The following FAM228B variants were observed in gnomAD, a reference collection of about 807,000 sequenced individuals.
The protein encoded by FAM228B is family with sequence similarity 228 member B.
FAM228B carries 38 observed loss-of-function variants against 42.6 expected under a neutral mutation model. That is an observed-to-expected ratio of 0.89 (90% CI 0.69 to 1.17). FAM228B has a LOEUF of 1.17. FAM228B is among the 50% of genes most tolerant of loss of function. The pLI, the probability that FAM228B is intolerant of heterozygous loss-of-function variation, is 0.00. For synonymous variants in FAM228B, 109 were observed against 122.3 expected (o/e 0.89, Z 0.72); for missense variants, 344 against 367.3 (o/e 0.94, Z 0.52).
intron 7 of FAM228B, among the ~76,000 whole-genome samples, chr2:24,149,557 T>A (rs1408575434): frequency 6.6e-6 from 1 of 152,080 alleles, no homozygotes; most frequent in East Asian, 1.9e-4. Context: ...CTCAGCCTCC[T>A]GAGTAGCTGT....
intron 3 of FAM228B, among the ~76,000 whole-genome samples, chr2:24,115,046 C>G (rs1164087164): frequency 6.6e-6 from 1 of 152,174 alleles, no homozygotes; most frequent in African/African-American, 2.4e-5. Flanking sequence ...ATCCCTTCTC[C>G]CAAGTCTCAC....
intron 2 of FAM228B, chr2:24,082,984 C>A: frequency 6.2e-7 from 1 of 1,614,158 alleles, no homozygotes; most frequent in Non-Finnish European, 8.5e-7. Context: ...AGGAGCCCTT[C>A]GGGGACAGTG....
chr2:24,120,223 C>T (rs556795872), upstream of FAM228B, among the ~76,000 whole-genome samples: 52 of 151,748 alleles, frequency 3.4e-4, no homozygotes, highest in Non-Finnish European at 5.3e-4. Flanking sequence ...GAGCCGAGAT[C>T]GTGCCATTGC....
chr2:24,150,627 A>T lies in FAM228B; in HGVS notation c.686+3541A>T, dbSNP rs150407685. 2.5e-3 allele frequency among the ~76,000 whole-genome samples: 373 copies of T among 151,974 alleles called. 15 individuals carry two copies. The East Asian group carries it at 0.064, about 26-fold the overall frequency. ...TTTAATAGCGATGGGGTTTCTCCAC[A>T]TTGGCCAGGCTGGTCTTGAACTCCT... On this transcript the variant is annotated intron_variant, in intron 7 of 10. Transcript: ENST00000615575.
At position 24,095,215 on chromosome 2, in the gene FAM228B, G is replaced by T. The variant is rs760310137; in HGVS notation, c.-135G>T. The T allele has an allele frequency of 6.6e-6, 1 of 152,554 alleles. No homozygotes were observed. The highest frequency in any genetic ancestry group is 6.5e-5 in the Admixed American group (1 of 15,280). 9.5% of individuals were successfully genotyped at this position (152,554 alleles called of 1,614,324 possible). A position where few individuals can be genotyped will look rare whatever the true frequency, so the allele number is the denominator to read the frequency against. ...TCGACGCAGAAGACAGGTGATTTCT[G>T]CATTTCCGACTGAGGTAACTGATTC... On this transcript the variant is annotated 5_prime_UTR_variant, in exon 3 of 11. Transcript: ENST00000613899. The surrounding 1 kb of genome is among the most constrained non-coding windows in gnomAD (Gnocchi z 4.8).
Position 24,146,614 on chromosome 2 carries a change from C to T in FAM228B, c.442-134C>T. The T allele has an allele frequency of 8.8e-6, 5 of 565,670 alleles. 1 individual carries two copies. In the South Asian group the frequency reaches 1.4e-4, roughly 16 times the overall value. 35.0% of individuals were successfully genotyped at this position (565,670 alleles called of 1,614,324 possible). On this transcript the variant is annotated intron_variant, in intron 5 of 10. Coordinates refer to ENST00000615575, the MANE Select transcript of FAM228B (RefSeq NM_001145710.2). ...TATATTAAATAAATATAATGGTAAG[C>T]CTGCTATTTGTAAATACCATATTAT...
intron 7 of FAM228B, among the ~76,000 whole-genome samples, chr2:24,155,525 A>AT (rs1199134206): frequency 1.8e-3 from 89 of 48,290 alleles, no homozygotes; most frequent in African/African-American, 3.8e-3. Context: ...ATATATATAT[A>AT]TATATATTTT....
intron 7 of FAM228B, among the ~76,000 whole-genome samples, chr2:24,161,086 T>C (rs1667273646): frequency 6.6e-6 from 1 of 152,228 alleles, no homozygotes; most frequent in Non-Finnish European, 1.5e-5. Context: ...TGTTTTTGTC[T>C]CTATATTTAG....
chr2:24,123,944 C>G (rs1666223998), intron 1 of FAM228B, among the ~76,000 whole-genome samples: 2 of 152,206 alleles, frequency 1.3e-5, no homozygotes, highest in Non-Finnish European at 2.9e-5. Flanking sequence ...CCTGCCTTCT[C>G]TAAGCAGCTC....
chr2:24,150,309 T>C (rs1362287139), intron 7 of FAM228B, among the ~76,000 whole-genome samples: 5 of 152,192 alleles, frequency 3.3e-5, no homozygotes, highest in Non-Finnish European at 7.4e-5. Flanking sequence ...TCCCTCAGCT[T>C]TTGTTTGTCT....
intron 2 of FAM228B, among the ~76,000 whole-genome samples, chr2:24,089,276 T>A (rs747134260): frequency 3.9e-4 from 60 of 152,236 alleles, no homozygotes; most frequent in Admixed American, 7.2e-4. Flanking sequence ...TGAAATGTAT[T>A]GTGAGTTACA....
At chr2:24,101,804 T>G (rs914311264) in intron 3 of FAM228B, among the ~76,000 whole-genome samples, 2 of 152,186 alleles carry the variant, frequency 1.3e-5, no homozygotes, top group Admixed American at 1.3e-4. Flanking sequence ...CACCTCAGCC[T>G]CTTGAGTAGC....
chr2:24,155,504 C>CATATATATATATATAT (rs1156603467), intron 7 of FAM228B, among the ~76,000 whole-genome samples: 2 of 35,896 alleles, frequency 5.6e-5, no homozygotes, highest in African/African-American at 1.0e-4. Context: ...GAAGACCATG[C>CATATATATATATATAT]ATATATATAT....
At chr2:24,149,378 C>T (rs1023373466) in intron 7 of FAM228B, among the ~76,000 whole-genome samples, 1 of 152,210 alleles carries the variant, frequency 6.6e-6, no homozygotes, top group Non-Finnish European at 1.5e-5. Flanking sequence ...TACGTCTTTG[C>T]CAGCATTTGT....
rs868577131 is a variant in FAM228B at position 24,139,383 on chromosome 2, T to C, written c.374T>C (p.Ile125Thr). Residue 125 changes from isoleucine to threonine, a missense_variant, in exon 5 of 11, where the codon ATA (isoleucine) becomes ACA (threonine). Physicochemically the swap from Ile to Thr is moderately conservative, Grantham distance 89. Coordinates refer to ENST00000615575, the MANE Select transcript of FAM228B (RefSeq NM_001145710.2). ...TCCTTGCTATAGGGAAATGCATTTA[T>C]AGAACATTATGATCCAAAAGAGTAT... ...KHVNKKGNAFIEHYDPKEYDP... is the reference protein window; with the variant it reads ...KHVNKKGNAFTEHYDPKEYDP... The C allele has an allele frequency of 4.1e-5, 64 of 1,542,610 alleles. No individual in the cohort carries two copies. The Admixed American group carries it at 1.1e-3, about 26-fold the overall frequency.
intron 2 of FAM228B, among the ~76,000 whole-genome samples, chr2:24,094,315 T>G (rs1665452958): frequency 6.6e-6 from 1 of 152,142 alleles, no homozygotes; most frequent in Admixed American, 6.5e-5. Context: ...TAAGTGATCT[T>G]CCTGCCTCCA....
At chr2:24,081,390 A>C (rs1664995229) in intron 2 of FAM228B, among the ~76,000 whole-genome samples, 1 of 151,906 alleles carries the variant, frequency 6.6e-6, no homozygotes, top group African/African-American at 2.4e-5. Flanking sequence ...TGAATAAGTA[A>C]GAACAACTAC....
chr2:24,134,269 A>G lies in FAM228B; in HGVS notation c.100-850A>G, dbSNP rs1438900145. Reference sequence around the variant, plus strand: ...TTAGTGGGTGAATTCATTATGGAAGAACACGAAAAAGAACAGGAGATTGAA... The same window carrying G: ...TTAGTGGGTGAATTCATTATGGAAGGACACGAAAAAGAACAGGAGATTGAA... On this transcript the variant is annotated intron_variant, in intron 2 of 10. Transcript: ENST00000615575. Among the ~76,000 whole-genome samples, 5 of 152,348 alleles carry G rather than the reference A, an allele frequency of 3.3e-5. No homozygotes were observed. The East Asian group carries it at 9.6e-4, about 29-fold the overall frequency.
intron 7 of FAM228B, among the ~76,000 whole-genome samples, chr2:24,153,070 G>A (rs1034032456): frequency 2.0e-5 from 3 of 152,184 alleles, no homozygotes; most frequent in Non-Finnish European, 2.9e-5. Context: ...TGCCAGGCCT[G>A]GGACTCACCC....
Sources: allele counts gnomAD v4.1 joint callset (sites outside exome capture counted in the v4.1 genomes callset), GRCh38; gene constraint gnomAD v4.1.1; non-coding constraint Gnocchi (gnomAD v3.1); transcripts MANE v1.5; gene names NCBI Gene and HGNC (gene_info 2026-07-23, HGNC 2026-07-21).